Variants in ATP2C2 observed in about 807,000 individuals in gnomAD.
ATP2C2 encodes calcium-transporting ATPase type 2C member 2.
In ATP2C2, 171 loss-of-function variants were observed where a neutral mutation model predicts 110.8. The ratio of observed to expected loss-of-function variants is 1.54; its 90% CI spans 1.36 to 1.75. The LOEUF (loss-of-function observed/expected upper bound fraction) is 1.75, where lower values mean the gene tolerates loss of function less well. Among genes scored for constraint, ATP2C2 ranks in the 40% most tolerant of loss-of-function variants. The pLI is 0.00. For synonymous variants in ATP2C2, 804 were observed against 508.4 expected (o/e 1.58, Z -7.82); for missense variants, 1,963 against 1,235.0 (o/e 1.59, Z -8.84).
At chr16:84,379,536 C>G (rs1910452685) in intron 1 of ATP2C2, among the ~76,000 whole-genome samples, 1 of 152,158 alleles carries the variant, frequency 6.6e-6, no homozygotes, top group African/African-American at 2.4e-5. Context: ...CACCTGGGAG[C>G]TTGCCAGAAA....
rs200339324 is a variant in ATP2C2 at position 84,407,705 on chromosome 16, C to A, written c.328-700C>A. Among the ~76,000 whole-genome samples, 12 of 152,250 alleles carry A rather than the reference C, an allele frequency of 7.9e-5. No individual in the cohort carries two copies. The East Asian group carries it at 2.3e-3, about 29-fold the overall frequency. On this transcript the variant is annotated intron_variant, in intron 3 of 26. Coordinates refer to ENST00000262429, the MANE Select transcript of ATP2C2 (RefSeq NM_014861.4). ...CAGGCTGGACTGAAACTCCTGGGCTCAAGCAGTCCTCCCATTTCTGCCTCC... is the reference window on the plus strand; with the variant it reads ...CAGGCTGGACTGAAACTCCTGGGCTAAAGCAGTCCTCCCATTTCTGCCTCC...
intron 1 of ATP2C2, among the ~76,000 whole-genome samples, chr16:84,388,218 G>C (rs191677124): frequency 6.6e-6 from 1 of 152,060 alleles, no homozygotes; most frequent in Admixed American, 6.6e-5. Context: ...CTAGCTACTC[G>C]GGAGACTGAG....
At chr16:84,385,337 A>T (rs1904304722) in intron 1 of ATP2C2, among the ~76,000 whole-genome samples, 1 of 152,198 alleles carries the variant, frequency 6.6e-6, no homozygotes, top group Non-Finnish European at 1.5e-5. Flanking sequence ...ATAGTGCTCA[A>T]CTATTCATGA....
At chr16:84,399,421 T>C (rs555104263) in intron 2 of ATP2C2, among the ~76,000 whole-genome samples, 1 of 152,356 alleles carries the variant, frequency 6.6e-6, no homozygotes, top group East Asian at 1.9e-4. Flanking sequence ...ATCAATTCTG[T>C]TCTCCCCGTT....
chr16:84,415,272 C>T (rs3743648), intron 6 of ATP2C2, among the ~76,000 whole-genome samples: 6,167 of 152,246 alleles, frequency 0.041, 143 homozygotes, highest in Non-Finnish European at 0.053. Context: ...CCTCATCTTT[C>T]AGATGTGGCC....
intron 7 of ATP2C2, among the ~76,000 whole-genome samples, chr16:84,416,766 T>A (rs1906871129): frequency 6.6e-6 from 1 of 152,106 alleles, no homozygotes; most frequent in Non-Finnish European, 1.5e-5. Context: ...CCCCCGCCTC[T>A]CCCCGTGTTC....
At chr16:84,425,611 G>A (rs1907739330) in intron 10 of ATP2C2, 124 bp from the exon 11 acceptor site, 1 of 1,067,904 alleles carries the variant, frequency 9.4e-7, no homozygotes, top group Non-Finnish European at 1.4e-6. Context: ...AAGTGGTTGA[G>A]GTTATCAGGC....
In ATP2C2 at chr16:84,422,667, A is replaced by G; in HGVS notation, c.813A>G (p.Gly271=). 1 of 1,613,462 alleles carries G rather than the reference A, an allele frequency of 6.2e-7. No individual in the cohort carries two copies. Among genetic ancestry groups the G allele is most frequent in the Non-Finnish European group, 8.5e-7 (1 of 1,179,800 alleles). ...VIGTGESSQF[G]EVFKMMQAEE... is the part of the protein sequence containing the mutation. Reference sequence around the variant, plus strand: ...GAACAGGGGAAAGCTCTCAGTTCGGAGAAGTGTTTAAGATGATGCAGGCTG... The same window carrying G: ...GAACAGGGGAAAGCTCTCAGTTCGGGGAAGTGTTTAAGATGATGCAGGCTG... Residue 271 remains glycine (G), a synonymous_variant, in exon 9 of 27, where the codon GGA becomes GGG. Coordinates refer to ENST00000262429, the MANE Select transcript of ATP2C2 (RefSeq NM_014861.4).
intron 1 of ATP2C2, among the ~76,000 whole-genome samples, chr16:84,378,864 G>A (rs1411696602): frequency 1.3e-5 from 2 of 152,188 alleles, no homozygotes; most frequent in East Asian, 1.9e-4. Flanking sequence ...GCTCACCGTC[G>A]CGAGGTCCCT....
At chr16:84,391,900 C>G (rs969303751) in intron 1 of ATP2C2, among the ~76,000 whole-genome samples, 3 of 151,450 alleles carry the variant, frequency 2.0e-5, no homozygotes, top group African/African-American at 7.3e-5. Context: ...CTCCCTTCAT[C>G]TTTCCTTCCT....
At position 84,438,646 on chromosome 16, in the gene ATP2C2, G is replaced by A. The variant is rs1236157603; in HGVS notation, c.987-520G>A. On this transcript the variant is annotated intron_variant, in intron 11 of 26. Coordinates refer to ENST00000262429, the MANE Select transcript of ATP2C2 (RefSeq NM_014861.4). ...AGCAGACACCCCGAAACAGATCCAC[G>A]CAGCAGGCAAGTGTGTCGCTGTGGC... is the stretch of plus-strand genomic sequence containing the variant. 5.9e-5 allele frequency among the ~76,000 whole-genome samples: 9 copies of A among 152,228 alleles called. No homozygotes were observed. The East Asian group carries it at 1.4e-3, about 23-fold the overall frequency.
At chr16:84,444,664 C>A (rs1909582457) in intron 15 of ATP2C2, among the ~76,000 whole-genome samples, 1 of 152,234 alleles carries the variant, frequency 6.6e-6, no homozygotes, top group Non-Finnish European at 1.5e-5. Context: ...AGGAATGACA[C>A]CCATGTGTCA....
At chr16:84,426,786 A>G (rs1907849621) in intron 11 of ATP2C2, among the ~76,000 whole-genome samples, 1 of 152,150 alleles carries the variant, frequency 6.6e-6, no homozygotes, top group Admixed American at 6.5e-5. Context: ...GTAGAGCCCA[A>G]GGCCACACGC....
At chr16:84,456,659 T>C (rs2150590881) in intron 21 of ATP2C2, among the ~76,000 whole-genome samples, 1 of 69,584 alleles carries the variant, frequency 1.4e-5, no homozygotes, top group African/African-American at 5.9e-5. Context: ...GGATACAAAA[T>C]CAATGTACAA....
intron 1 of ATP2C2, among the ~76,000 whole-genome samples, chr16:84,375,553 A>AAGAAAG (rs1555550623): frequency 6.6e-6 from 1 of 151,600 alleles, no homozygotes; most frequent in Admixed American, 6.6e-5. Flanking sequence ...AAAAAAAAAA[A>AAGAAAG]AAAGAAAGAA....
intron 1 of ATP2C2, among the ~76,000 whole-genome samples, chr16:84,395,407 G>T (rs1266141490): frequency 6.6e-6 from 1 of 151,882 alleles, no homozygotes; most frequent in African/African-American, 2.4e-5. Flanking sequence ...CGTGACAAAG[G>T]TTGGGGGCAC....
In ATP2C2 at chr16:84,426,848, C is replaced by T. The variant is rs145092978; in HGVS notation, c.986+1047C>T. 5.7e-3 allele frequency among the ~76,000 whole-genome samples: 871 copies of T among 152,258 alleles called. 3 individuals are homozygous for T. The highest frequency in any genetic ancestry group is 0.02 in the African/African-American group (830 of 41,556). On this transcript the variant is annotated intron_variant, in intron 11 of 26. Coordinates refer to ENST00000262429, the MANE Select transcript of ATP2C2 (RefSeq NM_014861.4). ...ACTTGATGATGCTAAGCCGAGGGGA[C>T]CCGCCCTTCTTCTACGTAGTGATTC...
chr16:84,448,376 C>T (rs759226513), intron 16 of ATP2C2, among the ~76,000 whole-genome samples, 157 bp from the exon 17 acceptor site: 1 of 152,188 alleles, frequency 6.6e-6, no homozygotes, highest in African/African-American at 2.4e-5. Flanking sequence ...ACTTCGCGAA[C>T]CTGTCCAGCA....
At chr16:84,389,998 C>T (rs1904555939) in intron 1 of ATP2C2, among the ~76,000 whole-genome samples, 3 of 152,170 alleles carry the variant, frequency 2.0e-5, no homozygotes, top group Admixed American at 2.0e-4. Context: ...GCTGGGATTA[C>T]AGGCCTGAGC....
Sources: allele counts gnomAD v4.1 joint callset (sites outside exome capture counted in the v4.1 genomes callset), GRCh38; gene constraint gnomAD v4.1.1; transcripts MANE v1.5; gene names NCBI Gene and HGNC (gene_info 2026-07-23, HGNC 2026-07-21).